FGGY: variants seen among roughly 807,000 people sequenced by gnomAD.
FGGY encodes FGGY carbohydrate kinase domain containing.
In FGGY, 72 loss-of-function variants were observed where a neutral mutation model predicts 71.3. The ratio of observed to expected loss-of-function variants is 1.01; its 90% CI spans 0.84 to 1.23. The LOEUF (loss-of-function observed/expected upper bound fraction) is 1.23. Among genes scored for constraint, FGGY ranks in the 50% most tolerant of loss-of-function variants. The pLI is 0.00. For missense variants in FGGY, 668 were observed against 682.3 expected, an observed-to-expected ratio of 0.98 and a Z score of 0.23; for synonymous variants, 251 against 250.3, an observed-to-expected ratio of 1.00 and a Z score of -0.02.
chr1:59,713,489 G>T (rs2097816798), intron 14 of FGGY, among the ~76,000 whole-genome samples: 1 of 152,118 alleles, frequency 6.6e-6, no homozygotes. Context: ...CATGAGAAAT[G>T]AAACAATAAG....
chr1:59,592,727 T>C (rs1217366992), intron 8 of FGGY, among the ~76,000 whole-genome samples: 4 of 147,318 alleles, frequency 2.7e-5, no homozygotes, highest in African/African-American at 1.0e-4. Flanking sequence ...TAGGTGGGAA[T>C]TGAACAATGA....
intron 8 of FGGY, among the ~76,000 whole-genome samples, chr1:59,572,601 A>T (rs2153735942): frequency 6.6e-6 from 1 of 152,334 alleles, no homozygotes; most frequent in Non-Finnish European, 1.5e-5. Context: ...AAACCAGAAG[A>T]AGACTGGGAG....
chr1:59,682,301 C>T (rs1346084004), intron 14 of FGGY, among the ~76,000 whole-genome samples: 3 of 151,890 alleles, frequency 2.0e-5, no homozygotes, highest in Non-Finnish European at 2.9e-5. Flanking sequence ...ATTACCATTA[C>T]TTTAAAAACT....
At chr1:59,730,463 A>G (rs2098012305) in intron 14 of FGGY, among the ~76,000 whole-genome samples, 1 of 152,202 alleles carries the variant, frequency 6.6e-6, no homozygotes. Flanking sequence ...TGTCTGTTTT[A>G]TTCATAGCTA....
chr1:59,333,578 T>G (rs957240055), intron 2 of FGGY, among the ~76,000 whole-genome samples: 1 of 152,220 alleles, frequency 6.6e-6, no homozygotes. Context: ...CCAAAGTCGC[T>G]GATTTAACTA....
chr1:59,467,212 G>A (rs1280392716), intron 6 of FGGY, among the ~76,000 whole-genome samples: 1 of 152,128 alleles, frequency 6.6e-6, no homozygotes, highest in African/African-American at 2.4e-5. Context: ...GGACATGGAT[G>A]AAGCTGGAAA....
chr1:59,461,983 C>T (rs990185356), intron 6 of FGGY, among the ~76,000 whole-genome samples: 2 of 151,708 alleles, frequency 1.3e-5, no homozygotes, highest in African/African-American at 2.4e-5. Context: ...CTCCTCCCCC[C>T]ACCCCACAAC....
intron 4 of FGGY, among the ~76,000 whole-genome samples, chr1:59,360,498 C>T (rs1283062292): frequency 6.6e-6 from 1 of 152,156 alleles, no homozygotes; most frequent in African/African-American, 2.4e-5. Flanking sequence ...TTCAAGTGGC[C>T]AGGGCTTTCC....
intron 8 of FGGY, among the ~76,000 whole-genome samples, chr1:59,587,110 T>C (rs1373623420): frequency 6.6e-6 from 1 of 152,182 alleles, no homozygotes; most frequent in Non-Finnish European, 1.5e-5. Context: ...GCTTTTCCAA[T>C]GGGCTTAAAA....
intron 14 of FGGY, among the ~76,000 whole-genome samples, chr1:59,718,900 G>A (rs1414718546): frequency 2.0e-5 from 3 of 152,294 alleles, no homozygotes; most frequent in African/African-American, 7.2e-5. Flanking sequence ...AGTGCCCTTA[G>A]CTTTAGCTTC....
At chr1:59,394,034 C>T (rs895301279) in intron 5 of FGGY, among the ~76,000 whole-genome samples, 6 of 152,092 alleles carry the variant, frequency 3.9e-5, no homozygotes, top group African/African-American at 9.7e-5. Context: ...CAAAGGTCTG[C>T]GTAGTGTCTC....
At chr1:59,680,435 G>A (rs1339665878) in intron 14 of FGGY, among the ~76,000 whole-genome samples, 4 of 139,372 alleles carry the variant, frequency 2.9e-5, no homozygotes, top group African/African-American at 8.0e-5. Flanking sequence ...TGCCACACCT[G>A]GTTAACAATA....
chr1:59,423,038 T>C (rs909668309), intron 5 of FGGY, among the ~76,000 whole-genome samples: 3 of 152,036 alleles, frequency 2.0e-5, no homozygotes, highest in Non-Finnish European at 4.4e-5. Flanking sequence ...TTCCGAACAC[T>C]CCAGCCTATT....
intron 6 of FGGY, among the ~76,000 whole-genome samples, chr1:59,489,706 A>C (rs754399822): frequency 3.3e-5 from 5 of 152,078 alleles, no homozygotes; most frequent in African/African-American, 7.2e-5. Flanking sequence ...TGGTATACTG[A>C]TTTTGTTTCC....
intron 2 of FGGY, among the ~76,000 whole-genome samples, chr1:59,331,012 A>G (rs1431003662): frequency 6.6e-6 from 1 of 151,996 alleles, no homozygotes; most frequent in Non-Finnish European, 1.5e-5. Flanking sequence ...GACTGGGACC[A>G]CGTCTCTCTT....
chr1:59,713,533 T>C (rs1213767183), intron 14 of FGGY, among the ~76,000 whole-genome samples: 1 of 151,820 alleles, frequency 6.6e-6, no homozygotes, highest in Non-Finnish European at 1.5e-5. Flanking sequence ...AAATTAAATG[T>C]AGACTATTTA....
chr1:59,644,853 T>C (rs1176903892), intron 11 of FGGY, among the ~76,000 whole-genome samples: 1 of 152,024 alleles, frequency 6.6e-6, no homozygotes, highest in Non-Finnish European at 1.5e-5. Context: ...GGCACACACC[T>C]ATGGTCCCAG....
rs545902723 is a variant in FGGY, at chr1:59,510,955, T to G, written c.671-1356T>G. ...TTAATATCAGTTTTTAAGTTGAAGT[T>G]AAAACTAAATAAAACTAAATAAAAT... On this transcript the variant is annotated intron_variant, in intron 6 of 15. Coordinates refer to ENST00000303721, the MANE Select transcript of FGGY (RefSeq NM_018291.5). Among the ~76,000 whole-genome samples, 79 of 152,300 alleles carry G rather than the reference T, an allele frequency of 5.2e-4. 1 individual carries two copies. Among genetic ancestry groups the G allele is most frequent in the Admixed American group, 3.6e-3 (55 of 15,284 alleles).
intron 7 of FGGY, among the ~76,000 whole-genome samples, chr1:59,527,123 T>C (rs914131545): frequency 6.6e-6 from 1 of 152,256 alleles, no homozygotes; most frequent in African/African-American, 2.4e-5. Context: ...TTCTTCGTTA[T>C]CAAGCATGTG....
Sources: gnomAD v4.1 joint callset for allele counts (sites outside exome capture counted in the v4.1 genomes callset) on GRCh38, gnomAD v4.1.1 for gene constraint, MANE v1.5 for transcripts, NCBI Gene and HGNC (gene_info 2026-07-23, HGNC 2026-07-21) for gene names.